Variants in DNAAF11 observed in about 807,000 individuals in gnomAD.
DNAAF11 encodes the protein dynein axonemal assembly factor 11, also known as leucine rich repeat containing 6.
A neutral mutation model predicts 60.8 loss-of-function variants in DNAAF11; 45 were observed. The observed-to-expected ratio is 0.74, with a 90% CI of 0.58 to 0.95. DNAAF11 has a LOEUF of 0.95. DNAAF11 is among the 40% of genes least tolerant of loss of function. The pLI, the probability that DNAAF11 is intolerant of heterozygous loss-of-function variation, is 0.00. For synonymous variants in DNAAF11, 191 were observed against 183.5 expected (o/e 1.04, Z -0.33); for missense variants, 546 against 546.2 (o/e 1.00, Z 0.00).
chr8:132,684,173 G>T, the DNAAF11 span, among the ~76,000 whole-genome samples: 1 of 152,094 alleles, frequency 6.6e-6, no homozygotes, highest in Admixed American at 6.5e-5. Flanking sequence ...CAGTTTCAGG[G>T]GTTTTGAAAA....
At position 132,576,817 on chromosome 8, in the gene DNAAF11, G is replaced by C. The variant is rs1814797225; in HGVS notation, c.1227-4337C>G. On this transcript the variant is annotated intron_variant, in intron 11 of 11. Transcript: ENST00000620350. ...ACCTGTATGTTCACAGTCTTATCTG[G>C]TGCTCACACCCATCACTGAGCCCCC... 3.3e-5 allele frequency among the ~76,000 whole-genome samples: 5 copies of C among 152,056 alleles called. No individual in the cohort carries two copies. The South Asian group carries it at 1.0e-3, about 31-fold the overall frequency.
chr8:132,694,583 G>T, the DNAAF11 span, among the ~76,000 whole-genome samples: 2 of 152,106 alleles, frequency 1.3e-5, no homozygotes, highest in Admixed American at 1.3e-4. Flanking sequence ...ACTAATACAG[G>T]GCAAAGATGA....
intron 10 of DNAAF11, among the ~76,000 whole-genome samples, chr8:132,586,961 C>A (rs190669128): frequency 4.0e-4 from 61 of 152,184 alleles, no homozygotes; most frequent in Admixed American, 6.5e-4. Context: ...AATATTTTAA[C>A]TCCTTTAAAT....
At chr8:132,617,204 G>A (rs1279203576) in intron 7 of DNAAF11, among the ~76,000 whole-genome samples, 1 of 152,178 alleles carries the variant, frequency 6.6e-6, no homozygotes, top group Non-Finnish European at 1.5e-5. Flanking sequence ...GAAATGTAAA[G>A]GGAGTGTTTA....
At chr8:132,599,262 T>C (rs1039650391) in intron 10 of DNAAF11, among the ~76,000 whole-genome samples, 24 of 152,170 alleles carry the variant, frequency 1.6e-4, no homozygotes, top group Non-Finnish European at 3.4e-4. Context: ...TAACAGGCTC[T>C]GAAATTGAGG....
At chr8:132,665,686 T>C (rs1489309369) in intron 1 of DNAAF11, among the ~76,000 whole-genome samples, 3 of 152,210 alleles carry the variant, frequency 2.0e-5, no homozygotes, top group African/African-American at 7.2e-5. Context: ...GAAAACAGAA[T>C]AGAGATTTCT....
At chr8:132,687,745 C>G in the DNAAF11 span, 3 of 453,570 alleles carry the variant, frequency 6.6e-6, no homozygotes, top group Non-Finnish European at 1.3e-5. Flanking sequence ...CTGCCTGACT[C>G]CAAAGCTCAT....
the DNAAF11 span, chr8:132,685,155 A>T: frequency 6.6e-6 from 1 of 152,200 alleles, no homozygotes; most frequent in Non-Finnish European, 1.5e-5. Flanking sequence ...CACTAATTTA[A>T]TTTTCTCTGA....
Position 132,632,825 on chromosome 8 carries a change from T to A in DNAAF11, c.568A>T (p.Lys190Ter), listed in dbSNP as rs1482245853. 6.2e-7 allele frequency: 1 copy of A among 1,613,894 alleles called. No homozygotes were observed. The highest frequency in any genetic ancestry group is 1.3e-5 in the African/African-American group (1 of 74,932). Residue 190 changes from lysine to a stop codon, truncating the protein, a stop_gained, in exon 5 of 12, where the codon AAA (lysine) becomes TAA (stop). Transcript: ENST00000620350. LOFTEE classifies it high-confidence loss of function. ...RAKLKEEAQR[K>*]HQEEDKNEDK... ...TCATTTTTATCCTCTTCTTGGTGTT[T>A]CCTCTGAGCCTCTTCCTTGAGTTTG... is the stretch of plus-strand genomic sequence containing the variant.
At chr8:132,678,298 T>A (rs1825818118), upstream of DNAAF11, among the ~76,000 whole-genome samples, 1 of 152,152 alleles carries the variant, frequency 6.6e-6, no homozygotes, top group South Asian at 2.1e-4. Flanking sequence ...AACCTAACAA[T>A]GCTGTACACT....
At chr8:132,648,683 T>C (rs1822665647) in intron 3 of DNAAF11, among the ~76,000 whole-genome samples, 1 of 152,152 alleles carries the variant, frequency 6.6e-6, no homozygotes, top group South Asian at 2.1e-4. Flanking sequence ...AAAATCAATG[T>C]GCAAAAATCA....
At chr8:132,588,182 A>G (rs1334178834) in intron 10 of DNAAF11, among the ~76,000 whole-genome samples, 1 of 152,238 alleles carries the variant, frequency 6.6e-6, no homozygotes, top group Non-Finnish European at 1.5e-5. Context: ...ATTTAAGTGA[A>G]TTTAAATAAA....
chr8:132,583,815 T>C (rs779303429), intron 10 of DNAAF11, 36 bp from the exon 11 acceptor site: 1 of 1,371,980 alleles, frequency 7.3e-7, no homozygotes, highest in East Asian at 2.3e-5. Context: ...AAGTGGTGCA[T>C]TACTCCTTGA....
At chr8:132,593,391 T>C (rs1393746267) in intron 10 of DNAAF11, among the ~76,000 whole-genome samples, 1 of 142,888 alleles carries the variant, frequency 7.0e-6, no homozygotes, top group Non-Finnish European at 1.5e-5. Context: ...GACTTTTACC[T>C]TGAAAATGAC....
chr8:132,614,737 C>T (rs1468487591), intron 8 of DNAAF11, among the ~76,000 whole-genome samples: 1 of 152,128 alleles, frequency 6.6e-6, no homozygotes, highest in East Asian at 1.9e-4. Flanking sequence ...AGGACTATGC[C>T]AGCAAAGACA....
the DNAAF11 span, among the ~76,000 whole-genome samples, chr8:132,692,684 C>A: frequency 6.6e-6 from 1 of 152,226 alleles, no homozygotes; most frequent in African/African-American, 2.4e-5. Context: ...CTTCTTCACC[C>A]TGTGCAGGTC....
intron 5 of DNAAF11, 107 bp from the exon 6 acceptor site, chr8:132,625,561 CTTTGAATGA>C (rs1820180194): frequency 1.2e-6 from 1 of 828,318 alleles, no homozygotes; most frequent in African/African-American, 1.7e-5. Flanking sequence ...ATCTTCTTAC[CTTTGAATGA>C]CAAAGTGACT....
At chr8:132,599,787 A>T (rs996305592) in intron 10 of DNAAF11, among the ~76,000 whole-genome samples, 7 of 152,158 alleles carry the variant, frequency 4.6e-5, no homozygotes, top group Non-Finnish European at 1.0e-4. Flanking sequence ...AAATAATAAG[A>T]GCTATTTATG....
At chr8:132,595,737 A>T (rs1816947552) in intron 10 of DNAAF11, among the ~76,000 whole-genome samples, 1 of 152,192 alleles carries the variant, frequency 6.6e-6, no homozygotes. Flanking sequence ...ATTTCATAAT[A>T]GGAAAGAAAA....
Sources: allele counts gnomAD v4.1 joint callset (sites outside exome capture counted in the v4.1 genomes callset), GRCh38; gene constraint gnomAD v4.1.1; transcripts MANE v1.5; gene names NCBI Gene and HGNC (gene_info 2026-07-23, HGNC 2026-07-21).